RCC2: variants seen among roughly 807,000 people sequenced by gnomAD.
The protein encoded by RCC2 is protein RCC2.
Under a neutral mutation model 64.1 loss-of-function variants are expected in RCC2, and 19 were observed. The observed-to-expected ratio is 0.30, with a 90% CI of 0.21 to 0.44. The LOEUF (loss-of-function observed/expected upper bound fraction) is 0.44, where lower values mean the gene tolerates loss of function less well. RCC2 is among the 20% of genes least tolerant of loss of function. The pLI is 1.00. For synonymous variants in RCC2, 325 were observed against 279.6 expected (o/e 1.16, Z -1.62); for missense variants, 508 against 710.4 (o/e 0.72, Z 3.24).
chr1:17,422,967 C>CAAA (rs1205857616), intron 4 of RCC2, 131 bp from the exon 5 acceptor site: 6 of 1,223,514 alleles, frequency 4.9e-6, no homozygotes, highest in Non-Finnish European at 5.8e-6. Context: ...AAATTCCCAA[C>CAAA]AGCCAAGATC....
intron 2 of RCC2, among the ~76,000 whole-genome samples, 174 bp from the exon 3 acceptor site, chr1:17,429,373 C>CA (rs1213897068): frequency 6.6e-6 from 1 of 152,166 alleles, no homozygotes; most frequent in East Asian, 1.9e-4. Flanking sequence ...CGGCAAGTGG[C>CA]AATGCGGGCA....
chr1:17,426,759 C>CTTTTTTTTT (rs146347066), intron 3 of RCC2, among the ~76,000 whole-genome samples: 5 of 109,994 alleles, frequency 4.5e-5, no homozygotes, highest in East Asian at 3.2e-4. Flanking sequence ...TCTTACTTTT[C>CTTTTTTTTT]TTTTTTTTTT....
chr1:17,432,941 G>A (rs893479961), intron 2 of RCC2, among the ~76,000 whole-genome samples: 2 of 152,078 alleles, frequency 1.3e-5, no homozygotes, highest in Admixed American at 6.5e-5. Context: ...CTGGGCGAAA[G>A]AGCGAGACTC....
At chr1:17,429,370 T>C (rs922966911) in intron 2 of RCC2, among the ~76,000 whole-genome samples, 171 bp from the exon 3 acceptor site, 3 of 152,186 alleles carry the variant, frequency 2.0e-5, no homozygotes, top group African/African-American at 7.2e-5. Flanking sequence ...CATCGGCAAG[T>C]GGCAATGCGG....
intron 2 of RCC2, among the ~76,000 whole-genome samples, chr1:17,437,621 C>A (rs1378334773): frequency 2.0e-4 from 1 of 4,990 alleles, no homozygotes; most frequent in Non-Finnish European, 5.2e-4. Context: ...AAACAAAGCC[C>A]GAGCACCGCT....
At chr1:17,410,184 C>G (rs929196387) in intron 11 of RCC2, 133 bp from the exon 12 acceptor site, 1 of 751,790 alleles carries the variant, frequency 1.3e-6, no homozygotes. Flanking sequence ...ATGACAAGCC[C>G]GGCCACCCTT....
chr1:17,416,113 A>AAGT (rs1158612134), intron 8 of RCC2, among the ~76,000 whole-genome samples: 1 of 151,408 alleles, frequency 6.6e-6, no homozygotes, highest in Non-Finnish European at 1.5e-5. Flanking sequence ...CTACTGATTA[A>AAGT]AAACGACTCA....
chr1:17,436,290 G>T (rs149405584), intron 2 of RCC2, among the ~76,000 whole-genome samples: 64 of 152,280 alleles, frequency 4.2e-4, no homozygotes, highest in African/African-American at 1.5e-3. Flanking sequence ...GATCACTTGA[G>T]GCCAGCAGTT....
chr1:17,437,491 G>T lies in RCC2; in HGVS notation c.285+739C>A, dbSNP rs555923525. 1.4e-4 allele frequency among the ~76,000 whole-genome samples: 21 copies of T among 152,270 alleles called. No individual in the cohort carries two copies. The South Asian group carries it at 3.9e-3, about 29-fold the overall frequency. On this transcript the variant is annotated intron_variant, in intron 2 of 12. Transcript: ENST00000375436. ...GGGAACGTTAACTTGAGTCAGCCAC[G>T]ACCTTAATTAAGATTTGAGAAAACA...
intron 7 of RCC2, among the ~76,000 whole-genome samples, chr1:17,417,551 TG>T (rs1390202522): frequency 6.6e-6 from 1 of 152,058 alleles, no homozygotes; most frequent in African/African-American, 2.4e-5. Flanking sequence ...GGCGTGGTGG[TG>T]GGTGCCTATA....
intron 2 of RCC2, among the ~76,000 whole-genome samples, chr1:17,429,563 C>G (rs932983029): frequency 6.6e-6 from 1 of 152,210 alleles, no homozygotes; most frequent in African/African-American, 2.4e-5. Context: ...GGCGTTAAAT[C>G]CAGCTCATCC....
intron 11 of RCC2, 85 bp from the exon 12 acceptor site, chr1:17,410,136 C>G: frequency 8.1e-7 from 1 of 1,235,200 alleles, no homozygotes; most frequent in Non-Finnish European, 1.2e-6. Context: ...TTTCCTGGCC[C>G]CCACTAACCA....
chr1:17,414,308 T>G (rs1036815487), intron 8 of RCC2, among the ~76,000 whole-genome samples: 1 of 151,808 alleles, frequency 6.6e-6, no homozygotes, highest in African/African-American at 2.4e-5. Flanking sequence ...GGCAGGTGGA[T>G]TGCCTGAACT....
chr1:17,423,545 C>T (rs549673253), intron 4 of RCC2, among the ~76,000 whole-genome samples: 255 of 152,336 alleles, frequency 1.7e-3, no homozygotes, highest in African/African-American at 5.8e-3. Flanking sequence ...CCAACCCCTA[C>T]CCCCAAGTCC....
In RCC2 at chr1:17,431,025, A is replaced by G. The variant is rs550995246; in HGVS notation, c.286-1826T>C. Among the ~76,000 whole-genome samples the G allele has an allele frequency of 9.9e-4, 150 of 151,214 alleles. 1 individual carries two copies. The highest frequency in any genetic ancestry group is 3.5e-3 in the African/African-American group (144 of 41,234). Reference sequence around the variant, plus strand: ...AAAATAACGCCGATGAAAGTTCCCAACCATGCCAATAAAAATGTATTTGTT... The same window carrying G: ...AAAATAACGCCGATGAAAGTTCCCAGCCATGCCAATAAAAATGTATTTGTT... On this transcript the variant is annotated intron_variant, in intron 2 of 12. Transcript: ENST00000375436.
rs772968944 is a variant in RCC2, at chr1:17,413,696, G to A, written c.1048C>T (p.Arg350Ter). ...NHTLVLDSQKRVFSWGFGGYG... is the reference protein window; with the variant it reads ...NHTLVLDSQK ...CCACCAAAGCCCCAGGAGAAGACTC[G>A]CTTCTGGGAGTCCAGGACCAGCTGC... is the stretch of plus-strand genomic sequence containing the variant. Residue 350 changes from arginine to a stop codon, truncating the protein, a stop_gained, in exon 9 of 13, where the codon CGA (arginine) becomes TGA (stop). Transcript: ENST00000375436. LOFTEE classifies it high-confidence loss of function. 1.2e-6 allele frequency: 2 copies of A among 1,612,914 alleles called. No individual in the cohort carries two copies. Among genetic ancestry groups the A allele is most frequent in the Non-Finnish European group, 8.5e-7 (1 of 1,179,508 alleles).
Position 17,431,519 on chromosome 1 carries a change from AAAG to A in RCC2, c.286-2323_286-2321del, listed in dbSNP as rs2075681373. ...TGTCTCAAAAAAAAAAAAAAAAAAA[AAAG>A]AAAGAAAGAAAAAGAAAAAAGGGCA... On this transcript the variant is annotated intron_variant, in intron 2 of 12. Transcript: ENST00000375436. Among the ~76,000 whole-genome samples, 14 of 144,092 alleles carry A rather than the reference AAAG, an allele frequency of 9.7e-5. No individual in the cohort carries two copies. In the South Asian group the frequency reaches 2.4e-3, roughly 25 times the overall value. 94.5% of individuals were successfully genotyped at this position (144,092 alleles called of 152,430 possible). A position where few individuals can be genotyped will look rare whatever the true frequency, so the allele number is the denominator to read the frequency against.
At chr1:17,433,812 C>A (rs536935978) in intron 2 of RCC2, among the ~76,000 whole-genome samples, 1 of 152,156 alleles carries the variant, frequency 6.6e-6, no homozygotes, top group African/African-American at 2.4e-5. Flanking sequence ...TAACATAGGT[C>A]CATGTAGAAG....
intron 5 of RCC2, 74 bp downstream of exon 5, chr1:17,422,631 C>A: frequency 6.3e-7 from 1 of 1,577,108 alleles, no homozygotes; most frequent in Non-Finnish European, 8.7e-7. Context: ...TCCACCACCC[C>A]ACGCCCCATC....
Sources: gnomAD v4.1 joint callset for allele counts (sites outside exome capture counted in the v4.1 genomes callset) on GRCh38, gnomAD v4.1.1 for gene constraint, MANE v1.5 for transcripts, NCBI Gene and HGNC (gene_info 2026-07-23, HGNC 2026-07-21) for gene names.